B9D2: variants seen among roughly 807,000 people sequenced by gnomAD.
B9D2 encodes B9 domain-containing protein 2.
A neutral mutation model predicts 19.2 loss-of-function variants in B9D2; 21 were observed. The observed-to-expected ratio is 1.09, with a 90% CI of 0.78 to 1.58. The LOEUF is 1.58. B9D2 is among the 40% of genes most tolerant of loss of function. The pLI is 0.00. For missense variants in B9D2, 221 were observed against 244.3 expected, an observed-to-expected ratio of 0.90 and a Z score of 0.64; for synonymous variants, 91 against 100.6, an observed-to-expected ratio of 0.90 and a Z score of 0.57.
chr19:41,357,485 C>T (rs941252641), intron 3 of B9D2, among the ~76,000 whole-genome samples: 1 of 152,176 alleles, frequency 6.6e-6, no homozygotes. Context: ...GATGCCGCTC[C>T]TCCCCCAGTA....
At chr19:41,355,953 C>T (rs11466310) in intron 3 of B9D2, among the ~76,000 whole-genome samples, 2,481 of 152,276 alleles carry the variant, frequency 0.016, 38 homozygotes, top group Non-Finnish European at 0.025. Flanking sequence ...CCAGAGGGAA[C>T]AGCAAGTGCC....
In B9D2 at chr19:41,354,552, G is replaced by A; in HGVS notation, c.*148C>T. 1 of 1,047,104 alleles carries A rather than the reference G, an allele frequency of 9.6e-7. No individual in the cohort carries two copies. The highest frequency in any genetic ancestry group is 1.4e-6 in the Non-Finnish European group (1 of 702,214). 64.9% of individuals were successfully genotyped at this position (1,047,104 alleles called of 1,614,324 possible). On this transcript the variant is annotated 3_prime_UTR_variant, in exon 4 of 4. Transcript: ENST00000243578. ...GAAACTGGGCCCAGAGGGACCCCGA[G>A]GTCCTAGAAAGGACAGAAGCGGTGC...
Position 41,356,193 on chromosome 19 carries a change from G to C in B9D2, c.215-1180C>G, listed in dbSNP as rs541029418. 2.0e-5 allele frequency among the ~76,000 whole-genome samples: 3 copies of C among 152,282 alleles called. No individual in the cohort carries two copies. The East Asian group carries it at 5.8e-4, about 29-fold the overall frequency. On this transcript the variant is annotated intron_variant, in intron 3 of 3. Transcript: ENST00000243578. ...AGAGCAGAGATGGGACCTGACTTAGGTGTTCACAGGGTCCCAGCTGCATGT... is the reference window on the plus strand; with the variant it reads ...AGAGCAGAGATGGGACCTGACTTAGCTGTTCACAGGGTCCCAGCTGCATGT...
intron 2 of B9D2, 55 bp from the exon 3 acceptor site, chr19:41,358,077 G>A: frequency 1.2e-6 from 2 of 1,610,480 alleles, no homozygotes. Context: ...GGAAGGGGAT[G>A]CCGCTGTGGC....
chr19:41,354,892 C>T lies in B9D2; in HGVS notation c.336G>A (p.Thr112=), dbSNP rs139072904. The stretch of plus-strand genomic sequence containing the variant: ...CTCGCCAACTGCCCAGGGGCCGCCA[C>T]GTGGGGCAGGCCAGCTGGTGGGTGC... ...SPGTHQLACP[T]WRPLGSWREQ... is the part of the protein sequence containing the mutation. The change falls in exon 4 of 4, where the codon ACG becomes ACA. Residue 112 remains threonine, a synonymous_variant. Transcript: ENST00000243578. The T allele has an allele frequency of 5.1e-5, 83 of 1,613,696 alleles. No individual in the cohort carries two copies. The African/African-American group carries it at 9.6e-4, about 19-fold the overall frequency.
chr19:41,362,227 CAA>C (rs529500666), intron 2 of B9D2, among the ~76,000 whole-genome samples: 2 of 125,434 alleles, frequency 1.6e-5, no homozygotes, highest in African/African-American at 2.9e-5. Context: ...ACTAAAAATA[CAA>C]AAAAAAAAAA....
At position 41,354,626 on chromosome 19, in the gene B9D2, T is replaced by C. The variant is rs1190236172; in HGVS notation, c.*74A>G. ...TGACAGTCTCTAGAGTCTGTGCTCT[T>C]GACCACTGTGCCATCCTCCCCCATC... On this transcript the variant is annotated 3_prime_UTR_variant, in exon 4 of 4. Coordinates refer to ENST00000243578, the MANE Select transcript of B9D2 (RefSeq NM_030578.4). 1.3e-6 allele frequency: 2 copies of C among 1,580,032 alleles called. No individual in the cohort carries two copies. The highest frequency in any genetic ancestry group is 1.7e-6 in the Non-Finnish European group (2 of 1,152,052).
intron 2 of B9D2, 129 bp downstream of exon 2, chr19:41,363,303 G>T: frequency 1.1e-6 from 1 of 896,602 alleles, no homozygotes; most frequent in Non-Finnish European, 1.8e-6. Context: ...ACAGGGTGTG[G>T]GCTGGGCCTG....
intron 2 of B9D2, among the ~76,000 whole-genome samples, chr19:41,359,391 ACT>A (rs770111171): frequency 6.6e-6 from 1 of 151,854 alleles, no homozygotes; most frequent in Non-Finnish European, 1.5e-5. Context: ...AAATGGTAAA[ACT>A]CTGTCTCTAC....
At chr19:41,363,589 G>T in intron 1 of B9D2, 66 bp from the exon 2 acceptor site, 1 of 1,425,884 alleles carries the variant, frequency 7.0e-7, no homozygotes, top group Non-Finnish European at 9.8e-7. Context: ...TGACGGGGGG[G>T]AAACTGAGGC....
chr19:41,363,743 C>G (rs1386374994), intron 1 of B9D2, among the ~76,000 whole-genome samples: 1 of 152,216 alleles, frequency 6.6e-6, no homozygotes, highest in Non-Finnish European at 1.5e-5. Context: ...CAGCATTTAA[C>G]TCTGGGAAGT....
intron 3 of B9D2, among the ~76,000 whole-genome samples, chr19:41,357,328 C>T (rs867361152): frequency 3.3e-5 from 5 of 152,196 alleles, no homozygotes; most frequent in African/African-American, 4.8e-5. Flanking sequence ...CAATGTCTCC[C>T]TGGCATCACC....
Position 41,363,444 on chromosome 19 carries a change from C to T in B9D2, c.76G>A (p.Gly26Ser). The T allele has an allele frequency of 1.2e-6, 2 of 1,614,100 alleles. No homozygotes were observed. Among genetic ancestry groups the T allele is most frequent in the East Asian group, 2.2e-5 (1 of 44,884 alleles). The part of the protein sequence containing the change: ...FSESSLFCKW[G>S]IHTGAAWKLL... Reference sequence around the variant, plus strand: ...CTTGGGGGAATACCTGTGTGAATGCCCCACTTGCAGAAGAGGCTACTTTCC... The same window carrying T: ...CTTGGGGGAATACCTGTGTGAATGCTCCACTTGCAGAAGAGGCTACTTTCC... The change falls in exon 2 of 4, where the codon GGC becomes AGC. Residue 26 changes from glycine (G) to serine (S), a missense_variant. Transcript: ENST00000243578.
chr19:41,360,623 A>C (rs2038390027), intron 2 of B9D2, among the ~76,000 whole-genome samples: 1 of 152,016 alleles, frequency 6.6e-6, no homozygotes, highest in African/African-American at 2.4e-5. Context: ...CTCCTGCCTC[A>C]GCCTCTCGAG....
At chr19:41,355,527 C>G (rs866157418) in intron 3 of B9D2, among the ~76,000 whole-genome samples, 2 of 152,276 alleles carry the variant, frequency 1.3e-5, no homozygotes, top group South Asian at 2.1e-4. Context: ...GCATCTTTCT[C>G]TCCTTCCATA....
In B9D2 at chr19:41,363,429, T is replaced by G. The variant is rs769020570; in HGVS notation, c.88+3A>C. 1 of 1,613,948 alleles carries G rather than the reference T, an allele frequency of 6.2e-7. No individual in the cohort carries two copies. The highest frequency in any genetic ancestry group is 1.3e-5 in the African/African-American group (1 of 74,994). On this transcript the variant is annotated splice_donor_region_variant and intron_variant, in intron 2 of 3. Coordinates refer to ENST00000243578, the MANE Select transcript of B9D2 (RefSeq NM_030578.4). ...TGGAAATGAACCAGGCTTGGGGGAA[T>G]ACCTGTGTGAATGCCCCACTTGCAG...
Position 41,354,568 on chromosome 19 carries a change from G to T in B9D2, c.*132C>A. On this transcript the variant is annotated 3_prime_UTR_variant, in exon 4 of 4. Transcript: ENST00000243578. ...GGACCCCGAGGTCCTAGAAAGGACA[G>T]AAGCGGTGCCATGCCTTAGCTGGGG... The T allele has an allele frequency of 8.1e-7, 1 of 1,230,996 alleles. No homozygotes were observed. Among genetic ancestry groups the T allele is most frequent in the South Asian group, 1.3e-5 (1 of 78,306 alleles). 76.3% of individuals were successfully genotyped at this position (1,230,996 alleles called of 1,614,324 possible).
Position 41,357,974 on chromosome 19 carries a change from A to T in B9D2, c.137T>A (p.Val46Glu). Residue 46 changes from valine (V) to glutamate (E), a missense_variant, in exon 3 of 4, where the codon GTG (valine) becomes GAG (glutamate). Physicochemically the swap from Val to Glu is moderately radical, Grantham distance 121 (BLOSUM62 -2). Coordinates refer to ENST00000243578, the MANE Select transcript of B9D2 (RefSeq NM_030578.4). ...CATGTCCCCTATCTGCGGGGTGTCC[A>T]CTTGCGTTTGGCCCTCCCGCACGCC... The part of the protein sequence containing the change: ...LSGVREGQTQ[V>E]DTPQIGDMAY... 6.2e-7 allele frequency: 1 copy of T among 1,614,066 alleles called. No individual in the cohort carries two copies. Among genetic ancestry groups the T allele is most frequent in the Non-Finnish European group, 8.5e-7 (1 of 1,179,968 alleles).
chr19:41,360,882 A>T (rs1288879217), intron 2 of B9D2: 3 of 152,194 alleles, frequency 2.0e-5, no homozygotes, highest in Non-Finnish European at 2.9e-5. Flanking sequence ...TGGATCCCCA[A>T]GACCACAAAC....
Sources: gnomAD v4.1 joint callset for allele counts (sites outside exome capture counted in the v4.1 genomes callset) on GRCh38, gnomAD v4.1.1 for gene constraint, MANE v1.5 for transcripts, NCBI Gene and HGNC (gene_info 2026-07-23, HGNC 2026-07-21) for gene names.